The following CTNNA2 variants were observed in gnomAD, a reference collection of about 807,000 sequenced individuals.
CTNNA2 encodes catenin alpha-2.
A neutral mutation model predicts 101.0 loss-of-function variants in CTNNA2; 42 were observed. The observed-to-expected ratio is 0.42, with a 90% CI of 0.32 to 0.54. The LOEUF (loss-of-function observed/expected upper bound fraction) is 0.54. Among genes scored for constraint, CTNNA2 ranks in the 20% least tolerant of loss-of-function variants. CTNNA2 has a pLI of 0.14. For missense variants in CTNNA2, 871 were observed against 1,223.1 expected, an observed-to-expected ratio of 0.71 and a Z score of 4.29; for synonymous variants, 450 against 456.4, an observed-to-expected ratio of 0.99 and a Z score of 0.18.
At chr2:79,663,701 C>T (rs753800073) in intron 2 of CTNNA2, among the ~76,000 whole-genome samples, 17 of 152,118 alleles carry the variant, frequency 1.1e-4, no homozygotes, top group Non-Finnish European at 2.2e-4. Flanking sequence ...TTTCAGAACA[C>T]TTGTTACTAT....
chr2:79,527,647 T>G (rs1283826887), intron 1 of CTNNA2, among the ~76,000 whole-genome samples: 4 of 151,390 alleles, frequency 2.6e-5, no homozygotes, highest in African/African-American at 9.7e-5. Flanking sequence ...TAATAAACGT[T>G]GGTGAGAAAT....
intron 7 of CTNNA2, among the ~76,000 whole-genome samples, chr2:80,352,501 C>A (rs1673394195): frequency 6.6e-6 from 1 of 152,120 alleles, no homozygotes; most frequent in Admixed American, 6.6e-5. Flanking sequence ...TTGATTCAGG[C>A]AATGAGTCTA....
At chr2:79,863,533 A>C (rs1486700795) in intron 4 of CTNNA2, among the ~76,000 whole-genome samples, 1 of 152,186 alleles carries the variant, frequency 6.6e-6, no homozygotes, top group East Asian at 1.9e-4. Flanking sequence ...GAGTTGAGGG[A>C]TGAATCATTC....
intron 7 of CTNNA2, among the ~76,000 whole-genome samples, chr2:79,957,156 A>G (rs1398495203): frequency 2.6e-5 from 4 of 152,134 alleles, no homozygotes; most frequent in Non-Finnish European, 5.9e-5. Flanking sequence ...TTCTGGCCCT[A>G]CAAGACTCCT....
intron 12 of CTNNA2, among the ~76,000 whole-genome samples, chr2:80,568,925 T>C (rs924873295): frequency 2.0e-5 from 3 of 152,138 alleles, no homozygotes; most frequent in African/African-American, 7.2e-5. Flanking sequence ...TTTGTGTTTG[T>C]TTCTTGATAA....
intron 2 of CTNNA2, among the ~76,000 whole-genome samples, chr2:79,709,595 C>T (rs1188971604): frequency 6.6e-6 from 1 of 152,108 alleles, no homozygotes; most frequent in Non-Finnish European, 1.5e-5. Context: ...AAGGAGATTG[C>T]ATTTTTCTTG....
intron 7 of CTNNA2, among the ~76,000 whole-genome samples, chr2:80,327,816 T>C (rs573283616): frequency 9.8e-5 from 15 of 152,358 alleles, no homozygotes; most frequent in African/African-American, 3.6e-4. Flanking sequence ...GCTTTGACTT[T>C]AGATATAACA....
chr2:79,609,855 G>T (rs1678150434), intron 1 of CTNNA2, among the ~76,000 whole-genome samples: 1 of 151,922 alleles, frequency 6.6e-6, no homozygotes, highest in African/African-American at 2.4e-5. Context: ...TCTAGAAGGA[G>T]ACATAGGAGA....
intron 7 of CTNNA2, chr2:80,289,033 GA>G: frequency 6.6e-6 from 1 of 152,222 alleles, no homozygotes; most frequent in Admixed American, 6.5e-5. Flanking sequence ...TTTAAGATGG[GA>G]GTAATATGAT....
At chr2:79,310,479 C>T (rs1676341606) in intron 2 of CTNNA2, among the ~76,000 whole-genome samples, 1 of 152,158 alleles carries the variant, frequency 6.6e-6, no homozygotes, top group Non-Finnish European at 1.5e-5. Context: ...CTGGTTATCA[C>T]GTAACCTCAG....
intron 2 of CTNNA2, among the ~76,000 whole-genome samples, chr2:79,657,094 A>C (rs951687037): frequency 2.0e-5 from 3 of 151,868 alleles, no homozygotes; most frequent in Non-Finnish European, 2.9e-5. Context: ...GAATTTAATA[A>C]CAAGGAAAAC....
At chr2:79,244,949 G>A (rs978601787) in intron 2 of CTNNA2, among the ~76,000 whole-genome samples, 8 of 151,966 alleles carry the variant, frequency 5.3e-5, no homozygotes, top group Admixed American at 2.6e-4. Context: ...ACAAAAATTA[G>A]TTGGGCTTGG....
At chr2:80,558,137 T>C (rs1187636306) in intron 12 of CTNNA2, among the ~76,000 whole-genome samples, 2 of 152,194 alleles carry the variant, frequency 1.3e-5, no homozygotes, top group Non-Finnish European at 2.9e-5. Context: ...ATAACTTTAA[T>C]TGAAAATATA....
At chr2:79,971,936 G>C (rs1690513422) in intron 7 of CTNNA2, among the ~76,000 whole-genome samples, 3 of 152,170 alleles carry the variant, frequency 2.0e-5, no homozygotes, top group Non-Finnish European at 4.4e-5. Context: ...AGCTGGGGCT[G>C]TAAGTTGAAA....
intron 7 of CTNNA2, among the ~76,000 whole-genome samples, chr2:80,160,546 T>C (rs758840008): frequency 6.6e-6 from 1 of 152,188 alleles, no homozygotes; most frequent in Non-Finnish European, 1.5e-5. Flanking sequence ...CTTTTTTGAG[T>C]GATTGTAAAT....
chr2:79,551,846 T>C (rs1043354620), intron 1 of CTNNA2, among the ~76,000 whole-genome samples: 8 of 152,232 alleles, frequency 5.3e-5, no homozygotes, highest in East Asian at 1.9e-4. Context: ...GAACTCACTA[T>C]CATGAGAACA....
At chr2:79,499,603 A>G (rs147677292) in intron 4 of CTNNA2, among the ~76,000 whole-genome samples, 2 of 152,280 alleles carry the variant, frequency 1.3e-5, no homozygotes, top group Admixed American at 6.5e-5. Context: ...CACCTATGTA[A>G]TAGGACCCCT....
At chr2:79,391,802 T>A (rs1678175947) in intron 4 of CTNNA2, among the ~76,000 whole-genome samples, 3 of 152,118 alleles carry the variant, frequency 2.0e-5, no homozygotes, top group South Asian at 4.2e-4. Flanking sequence ...TACCACATGA[T>A]GGGGTAGTTT....
intron 9 of CTNNA2, among the ~76,000 whole-genome samples, chr2:80,425,059 A>G (rs1252415679): frequency 2.0e-5 from 3 of 152,110 alleles, no homozygotes; most frequent in African/African-American, 7.2e-5. Flanking sequence ...TTCTCCTTCA[A>G]CACTAAGAAT....
Sources: gnomAD v4.1 joint callset for allele counts (sites outside exome capture counted in the v4.1 genomes callset) on GRCh38, gnomAD v4.1.1 for gene constraint, MANE v1.5 for transcripts, NCBI Gene and HGNC (gene_info 2026-07-23, HGNC 2026-07-21) for gene names.